Variants in KLHL7 observed in about 807,000 individuals in gnomAD.
KLHL7 encodes the protein kelch-like protein 7.
In KLHL7, 44 loss-of-function variants were observed where a neutral mutation model predicts 67.4. The observed-to-expected ratio is 0.65, with a 90% CI of 0.51 to 0.84. KLHL7 has a LOEUF of 0.84. Among genes scored for constraint, KLHL7 ranks in the 40% least tolerant of loss-of-function variants. The pLI is 0.00. For missense variants in KLHL7, 362 were observed against 718.1 expected, an observed-to-expected ratio of 0.50 and a Z score of 5.67; for synonymous variants, 252 against 243.3, an observed-to-expected ratio of 1.04 and a Z score of -0.33.
intron 9 of KLHL7, among the ~76,000 whole-genome samples, chr7:23,170,907 C>CTTTTTT (rs34932759): frequency 3.8e-5 from 5 of 132,944 alleles, no homozygotes; most frequent in Non-Finnish European, 6.3e-5. Context: ...TAAGAAATGA[C>CTTTTTT]TTTTTTTTTT....
At chr7:23,115,530 CA>C (rs1783048173) in intron 1 of KLHL7, among the ~76,000 whole-genome samples, 1 of 151,704 alleles carries the variant, frequency 6.6e-6, no homozygotes. Context: ...GCATAGGACT[CA>C]TTTTGGGTTT....
chr7:23,137,137 T>C (rs1011065581), intron 4 of KLHL7, among the ~76,000 whole-genome samples: 4 of 151,994 alleles, frequency 2.6e-5, no homozygotes, highest in Non-Finnish European at 4.4e-5. Context: ...ATACAAAAAT[T>C]AGCCAGGCAT....
At chr7:23,113,194 G>A (rs1374590313) in intron 1 of KLHL7, among the ~76,000 whole-genome samples, 3 of 152,170 alleles carry the variant, frequency 2.0e-5, no homozygotes, top group Non-Finnish European at 4.4e-5. Flanking sequence ...CAAAGCTGGA[G>A]GTTGAGGAAT....
In KLHL7 at chr7:23,153,710, C is replaced by G. The variant is rs187424572; in HGVS notation, c.936+1501C>G. Among the ~76,000 whole-genome samples, 319 of 152,354 alleles carry G rather than the reference C, an allele frequency of 2.1e-3. 4 individuals are homozygous for G. Among genetic ancestry groups the G allele is most frequent in the South Asian group, 0.015 (73 of 4,828 alleles). On this transcript the variant is annotated intron_variant, in intron 7 of 10. Coordinates refer to ENST00000339077, the MANE Select transcript of KLHL7 (RefSeq NM_001031710.3). ...GAGACATACCTCAAGCTATATGCAG[C>G]ATCCTAATGCCCCAGGATCACAGGC...
At chr7:23,122,918 T>A (rs1186527471) in intron 1 of KLHL7, among the ~76,000 whole-genome samples, 2 of 152,226 alleles carry the variant, frequency 1.3e-5, no homozygotes, top group Non-Finnish European at 2.9e-5. Flanking sequence ...ATACATTGTA[T>A]ACACCAAGTT....
intron 8 of KLHL7, among the ~76,000 whole-genome samples, chr7:23,166,204 A>G (rs1785000103): frequency 6.6e-6 from 1 of 152,196 alleles, no homozygotes; most frequent in South Asian, 2.1e-4. Context: ...TCTGAATTAT[A>G]GTTCTAAATT....
intron 7 of KLHL7, 91 bp from the exon 8 acceptor site, chr7:23,165,607 T>G: frequency 7.3e-7 from 1 of 1,370,098 alleles, no homozygotes; most frequent in Non-Finnish European, 1.0e-6. Context: ...AATTAACATA[T>G]TCTTATATGT....
chr7:23,147,458 TTCAAATG>T (rs1356416455), intron 6 of KLHL7, among the ~76,000 whole-genome samples: 1 of 152,222 alleles, frequency 6.6e-6, no homozygotes. Flanking sequence ...CCTTAAACTC[TTCAAATG>T]TTATTTTATG....
At chr7:23,172,098 T>G in intron 9 of KLHL7, 2 of 454,296 alleles carry the variant, frequency 4.4e-6, no homozygotes, top group Non-Finnish European at 8.8e-6. Context: ...TTGTCCTTAC[T>G]GTTGTTTGGC....
At chr7:23,118,384 T>C (rs1783186791) in intron 1 of KLHL7, among the ~76,000 whole-genome samples, 1 of 152,236 alleles carries the variant, frequency 6.6e-6, no homozygotes, top group Non-Finnish European at 1.5e-5. Flanking sequence ...CTATTCTTTC[T>C]TCCCTAAACT....
intron 1 of KLHL7, chr7:23,118,083 C>T: frequency 8.0e-7 from 1 of 1,255,734 alleles, no homozygotes; most frequent in Non-Finnish European, 1.1e-6. Context: ...TCATACAGTG[C>T]TTTAGCACTT....
In KLHL7 at chr7:23,160,237, T is replaced by A. The variant is rs531665645; in HGVS notation, c.937-5461T>A. ...GCAAAGTTCACTTAAAGGCAATCTG[T>A]TTAGATAACTGGCAAGGTAGCAGCA... is the stretch of plus-strand genomic sequence containing the variant. On this transcript the variant is annotated intron_variant, in intron 7 of 10. Coordinates refer to ENST00000339077, the MANE Select transcript of KLHL7 (RefSeq NM_001031710.3). 7.9e-5 allele frequency among the ~76,000 whole-genome samples: 12 copies of A among 152,336 alleles called. No individual in the cohort carries two copies. In the East Asian group the frequency reaches 2.1e-3, roughly 27 times the overall value.
intron 4 of KLHL7, among the ~76,000 whole-genome samples, chr7:23,132,068 C>G (rs184169945): frequency 6.6e-6 from 1 of 152,112 alleles, no homozygotes; most frequent in Non-Finnish European, 1.5e-5. Context: ...TGGACACTTA[C>G]GTTGCTTCCA....
intron 1 of KLHL7, chr7:23,106,914 A>G (rs1782667830): frequency 1.4e-6 from 1 of 714,156 alleles, no homozygotes; most frequent in Admixed American, 6.3e-5. Flanking sequence ...TCCTTTCTGT[A>G]AGCTTTATTT....
chr7:23,146,554 T>C (rs1265613706), intron 6 of KLHL7, among the ~76,000 whole-genome samples: 3 of 152,244 alleles, frequency 2.0e-5, no homozygotes, highest in Admixed American at 6.5e-5. Flanking sequence ...TCTTTTCCTT[T>C]GTGATGTGGT....
At chr7:23,151,095 C>G (rs928112499) in intron 6 of KLHL7, among the ~76,000 whole-genome samples, 4 of 150,414 alleles carry the variant, frequency 2.7e-5, no homozygotes, top group African/African-American at 7.3e-5. Flanking sequence ...TAAGTCTGAA[C>G]AATTTTTTCT....
chr7:23,139,696 C>T (rs1784110684), intron 4 of KLHL7, among the ~76,000 whole-genome samples: 1 of 152,050 alleles, frequency 6.6e-6, no homozygotes, highest in Non-Finnish European at 1.5e-5. Flanking sequence ...CATGGAAAAA[C>T]AGATAATGAA....
At chr7:23,164,777 C>T (rs555418646) in intron 7 of KLHL7, among the ~76,000 whole-genome samples, 3 of 152,270 alleles carry the variant, frequency 2.0e-5, no homozygotes, top group Non-Finnish European at 4.4e-5. Flanking sequence ...ACACTGGATA[C>T]GATCATAGGT....
intron 6 of KLHL7, among the ~76,000 whole-genome samples, chr7:23,149,850 GCTT>G (rs1197121449): frequency 6.6e-6 from 1 of 152,208 alleles, no homozygotes; most frequent in Non-Finnish European, 1.5e-5. Flanking sequence ...ATGCAAAAGA[GCTT>G]CTACTCAAAC....
Sources: gnomAD v4.1 joint callset for allele counts (sites outside exome capture counted in the v4.1 genomes callset) on GRCh38, gnomAD v4.1.1 for gene constraint, MANE v1.5 for transcripts, NCBI Gene and HGNC (gene_info 2026-07-23, HGNC 2026-07-21) for gene names.